Variants in SELENOV observed in about 807,000 individuals in gnomAD.
The protein encoded by SELENOV is selenoprotein V.
A neutral mutation model predicts 21.6 loss-of-function variants in SELENOV; 25 were observed. The ratio of observed to expected loss-of-function variants is 1.16; its 90% CI spans 0.84 to 1.62. The LOEUF (loss-of-function observed/expected upper bound fraction) is 1.62, where lower values mean the gene tolerates loss of function less well. SELENOV is among the 40% of genes most tolerant of loss of function. The probability of loss-of-function intolerance (pLI) is 0.00; values close to 1 mark genes in which losing one functional copy is unlikely to be tolerated. For missense variants in SELENOV, 472 were observed against 459.0 expected (o/e 1.03, Z -0.26); for synonymous variants, 227 against 216.9 (o/e 1.05, Z -0.41).
rs56055153 is a variant in SELENOV at position 39,518,294 on chromosome 19, C to CAAAA, written c.810-307_810-304dup. On this transcript the variant is annotated intron_variant, in intron 1 of 5. Transcript: ENST00000335426. ...TCAAAAAAACAAAAAAACAAAAAAA[C>CAAAA]AAAAAAAAAAGAGAGAGAGAGAGAA... is the stretch of plus-strand genomic sequence containing the variant. Among the ~76,000 whole-genome samples, 19 of 107,226 alleles carry CAAAA rather than the reference C, an allele frequency of 1.8e-4. 1 individual carries two copies. Among genetic ancestry groups the CAAAA allele is most frequent in the African/African-American group, 6.4e-4 (19 of 29,902 alleles). The allele number at this position is 107,226 out of a possible 152,430, so 70.3% of individuals were successfully genotyped here. A position where few individuals can be genotyped will look rare whatever the true frequency, so the allele number is the denominator to read the frequency against.
intron 1 of SELENOV, 118 bp from the exon 2 acceptor site, chr19:39,518,490 A>C: frequency 9.9e-7 from 1 of 1,014,104 alleles, no homozygotes; most frequent in Non-Finnish European, 1.5e-6. Context: ...GATTCTGAAC[A>C]GGGGAGGAAC....
At position 39,518,602 on chromosome 19, in the gene SELENOV, C is replaced by T; in HGVS notation, c.810-6C>T. 1 of 1,600,034 alleles carries T rather than the reference C, an allele frequency of 6.2e-7. No homozygotes were observed. Among genetic ancestry groups the T allele is most frequent in the Non-Finnish European group, 8.5e-7 (1 of 1,172,416 alleles). On this transcript the variant is annotated splice_region_variant and splice_polypyrimidine_tract_variant and intron_variant, in intron 1 of 5. Transcript: ENST00000335426. ...TTAACTTTCTCCTCCTGCTCTTGGC[C>T]TCCAGTGGCCTCTGAAGCTATAGCC...
At chr19:39,518,294 C>CA (rs56055153) in intron 1 of SELENOV, among the ~76,000 whole-genome samples, 16,440 of 107,178 alleles carry the variant, frequency 0.15, 1,207 homozygotes, top group East Asian at 0.23. Flanking sequence ...AACAAAAAAA[C>CA]AAAAAAAAAA....
Position 39,515,396 on chromosome 19 carries a change from C to T in SELENOV, c.184C>T (p.Leu62=). The T allele has an allele frequency of 1.3e-6, 2 of 1,551,614 alleles. No individual in the cohort carries two copies. The highest frequency in any genetic ancestry group is 8.7e-7 in the Non-Finnish European group (1 of 1,146,960). ...TCCAGCCGGGACTTCCCCTCTGGTC[C>T]TGACTCCTGCTCCAGCCCAGATTCC... Residue 62 remains leucine, a synonymous_variant, in exon 1 of 6, where the codon CTG becomes TTG. Transcript: ENST00000335426. The surrounding 1 kb of genome is among the most constrained non-coding windows in gnomAD (Gnocchi z 5.1).
chr19:39,516,556 C>T (rs1291275347), intron 1 of SELENOV, among the ~76,000 whole-genome samples: 2 of 152,134 alleles, frequency 1.3e-5, no homozygotes, highest in Non-Finnish European at 2.9e-5. Flanking sequence ...TCGGACAGGT[C>T]TTGCTTTACT....
intron 1 of SELENOV, 63 bp from the exon 2 acceptor site, chr19:39,518,545 A>T: frequency 6.6e-7 from 1 of 1,520,464 alleles, no homozygotes; most frequent in Non-Finnish European, 9.0e-7. Flanking sequence ...GCTGGGGAAG[A>T]TACTGATGCG....
chr19:39,518,733 C>A lies in SELENOV; in HGVS notation c.835-7C>A, dbSNP rs75317096. Reference sequence around the variant, plus strand: ...TGCAACCCCATGACCCCATCTCCTCCCCTCAGTACATTCTACTGAAAAAGA... The same window carrying A: ...TGCAACCCCATGACCCCATCTCCTCACCTCAGTACATTCTACTGAAAAAGA... On this transcript the variant is annotated splice_region_variant and splice_polypyrimidine_tract_variant and intron_variant, in intron 2 of 5. Coordinates refer to ENST00000335426, the Ensembl canonical transcript of SELENOV. 3,692 of 1,613,694 alleles carry A rather than the reference C, an allele frequency of 2.3e-3. 80 individuals are homozygous for A. In the African/African-American group the frequency reaches 0.043, roughly 19 times the overall value.
intron 1 of SELENOV, among the ~76,000 whole-genome samples, chr19:39,518,295 A>AAC (rs1385996450): frequency 2.6e-5 from 1 of 38,948 alleles, no homozygotes; most frequent in Non-Finnish European, 5.5e-5. Context: ...ACAAAAAAAC[A>AAC]AAAAAAAAAG....
At chr19:39,517,631 G>A (rs1020658907) in intron 1 of SELENOV, among the ~76,000 whole-genome samples, 1 of 152,008 alleles carries the variant, frequency 6.6e-6, no homozygotes, top group African/African-American at 2.4e-5. Context: ...TGAGGGAACT[G>A]CCAGTGCAAA....
rs925540786 is a variant in SELENOV at position 39,515,254 on chromosome 19, G to A, written c.42G>A (p.Arg14=). ...GGACCCCAGCCCCCTCCTCGGCGCG[G>A]ACTTCAACCTCAGTCCGGGCTTCTA... is the stretch of plus-strand genomic sequence containing the variant. Residue 14 remains arginine (R), a synonymous_variant, in exon 1 of 6, where the codon CGG becomes CGA. Coordinates refer to ENST00000335426, the Ensembl canonical transcript of SELENOV. The surrounding 1 kb of genome is among the most constrained non-coding windows in gnomAD (Gnocchi z 5.1). The A allele has an allele frequency of 1.3e-6, 2 of 1,550,472 alleles. No individual in the cohort carries two copies. Among genetic ancestry groups the A allele is most frequent in the African/African-American group, 2.7e-5 (2 of 72,994 alleles).
At chr19:39,519,125 G>C (rs374699082) in exon 5 of SELENOV, 1 of 1,613,668 alleles carries the variant, frequency 6.2e-7, no homozygotes, top group Non-Finnish European at 8.5e-7. Flanking sequence ...GAGCGTTATC[G>C]ATGAGGAAAT....
exon 5 of SELENOV, chr19:39,519,078 A>T: frequency 6.2e-7 from 1 of 1,613,780 alleles, no homozygotes; most frequent in Non-Finnish European, 8.5e-7. Flanking sequence ...CAGAGGGGTG[A>T]TGGCTTTGTG....
At chr19:39,517,642 G>T (rs2079704018) in intron 1 of SELENOV, among the ~76,000 whole-genome samples, 1 of 152,040 alleles carries the variant, frequency 6.6e-6, no homozygotes, top group Non-Finnish European at 1.5e-5. Flanking sequence ...CCAGTGCAAA[G>T]GTCCTGAGGC....
In SELENOV at chr19:39,516,007, T is replaced by C. The variant is rs757964282; in HGVS notation, c.795T>C (p.Ile265=). The change falls in exon 1 of 6, where the codon ATT becomes ATC. Residue 265 remains isoleucine, a synonymous_variant. Coordinates refer to ENST00000335426, the Ensembl canonical transcript of SELENOV. ...TCGCGCTGGACAAGAGGGTCCTGAT[T>C]CGAGTGACCTACTGGTGAGGACCTC... 3.1e-6 allele frequency: 5 copies of C among 1,590,846 alleles called. No individual in the cohort carries two copies. In the East Asian group the frequency reaches 9.1e-5, roughly 29 times the overall value.
Position 39,515,849 on chromosome 19 carries a change from G to T in SELENOV, c.637G>T (p.Ala213Ser). 3 of 1,552,288 alleles carry T rather than the reference G, an allele frequency of 1.9e-6. No individual in the cohort carries two copies. Among genetic ancestry groups the T allele is most frequent in the Non-Finnish European group, 2.6e-6 (3 of 1,147,844 alleles). ...GCCCACCCTGGACTTCACCTTCAGG[G>T]CAGACCCGTCGGCCATCGGGCTGGC... Residue 213 changes from alanine (A) to serine (S), a missense_variant, in exon 1 of 6, where the codon GCA (alanine) becomes TCA (serine). Coordinates refer to ENST00000335426, the Ensembl canonical transcript of SELENOV. This position sits in a 1 kb window ranked among gnomAD's most constrained non-coding sequence, Gnocchi z 5.1.
intron 1 of SELENOV, 172 bp from the exon 2 acceptor site, chr19:39,518,436 G>A (rs567329702): frequency 6.0e-6 from 4 of 671,052 alleles, no homozygotes; most frequent in African/African-American, 5.4e-5. Flanking sequence ...TGCAGGCCAC[G>A]GGAAGGACTG....
chr19:39,515,803 G>C lies in SELENOV; in HGVS notation c.591G>C (p.Pro197=). Residue 197 remains proline (P), a synonymous_variant, in exon 1 of 6, where the codon CCG becomes CCC. Coordinates refer to ENST00000335426, the Ensembl canonical transcript of SELENOV. This position sits in a 1 kb window ranked among gnomAD's most constrained non-coding sequence, Gnocchi z 5.1. ...CGGGGCCCCTTCCCACGCGCACCCC[G>C]CTGGCCGCGAACTCACCCGGGCCCA... is the stretch of plus-strand genomic sequence containing the variant. 6.5e-7 allele frequency: 1 copy of C among 1,549,474 alleles called. No individual in the cohort carries two copies. The highest frequency in any genetic ancestry group is 8.7e-7 in the Non-Finnish European group (1 of 1,146,426).
Position 39,515,623 on chromosome 19 carries a change from G to A in SELENOV, c.411G>A (p.Ala137=). 6.5e-7 allele frequency: 1 copy of A among 1,548,192 alleles called. No individual in the cohort carries two copies. Among genetic ancestry groups the A allele is most frequent in the Non-Finnish European group, 8.7e-7 (1 of 1,146,854 alleles). The change falls in exon 1 of 6, where the codon GCG becomes GCA. Residue 137 remains alanine, a synonymous_variant. Transcript: ENST00000335426. The surrounding 1 kb of genome is among the most constrained non-coding windows in gnomAD (Gnocchi z 5.1). ...AGCTCCTGGCAGGGATTCGGGCCGC[G>A]CTCCCCGTCTTGGACTCCTACCTGG...
Position 39,515,631 on chromosome 19 carries a change from T to A in SELENOV, c.419T>A (p.Val140Asp), listed in dbSNP as rs1204619596. Residue 140 changes from valine to aspartate, a missense_variant, in exon 1 of 6, where the codon GTC becomes GAC. Val to Asp is a radical substitution (Grantham distance 152). Coordinates refer to ENST00000335426, the Ensembl canonical transcript of SELENOV. This position sits in a 1 kb window ranked among gnomAD's most constrained non-coding sequence, Gnocchi z 5.1. ...GCAGGGATTCGGGCCGCGCTCCCCG[T>A]CTTGGACTCCTACCTGGCCCCGGCC... is the stretch of plus-strand genomic sequence containing the variant. 12 of 1,548,220 alleles carry A rather than the reference T, an allele frequency of 7.8e-6. No homozygotes were observed. The highest frequency in any genetic ancestry group is 1.0e-5 in the Non-Finnish European group (12 of 1,146,808).
Sources: allele counts gnomAD v4.1 joint callset (sites outside exome capture counted in the v4.1 genomes callset), GRCh38; gene constraint gnomAD v4.1.1; non-coding constraint Gnocchi (gnomAD v3.1); transcripts MANE v1.5; gene names NCBI Gene and HGNC (gene_info 2026-07-23, HGNC 2026-07-21).